HOOK3: variants seen among roughly 807,000 people sequenced by gnomAD.
HOOK3 encodes the protein protein Hook homolog 3.
Under a neutral mutation model 116.3 loss-of-function variants are expected in HOOK3, and 24 were observed. The observed-to-expected ratio is 0.21, with a 90% CI of 0.15 to 0.29. HOOK3 has a LOEUF of 0.29. Ranked by LOEUF, HOOK3 falls within the 10% of genes least tolerant of loss-of-function variation. The pLI, the probability that HOOK3 is intolerant of heterozygous loss-of-function variation, is 1.00. For synonymous variants in HOOK3, 275 were observed against 283.0 expected, an observed-to-expected ratio of 0.97 and a Z score of 0.28; for missense variants, 632 against 830.2, an observed-to-expected ratio of 0.76 and a Z score of 2.93.
intron 15 of HOOK3, among the ~76,000 whole-genome samples, chr8:42,989,171 A>G (rs1809108564): frequency 1.3e-5 from 2 of 152,252 alleles, no homozygotes. Context: ...AGGATTCCCC[A>G]GGAATTCTGT....
intron 18 of HOOK3, among the ~76,000 whole-genome samples, chr8:43,008,302 G>A (rs1226454804): frequency 2.6e-5 from 4 of 152,070 alleles, no homozygotes; most frequent in Admixed American, 2.0e-4. Context: ...ACAGACATGA[G>A]CCACTGTGCC....
intron 15 of HOOK3, among the ~76,000 whole-genome samples, chr8:42,992,993 T>C (rs1402966830): frequency 2.0e-5 from 3 of 152,134 alleles, no homozygotes; most frequent in Non-Finnish European, 2.9e-5. Context: ...CTTTTATACC[T>C]AGTTTTTTGA....
intron 1 of HOOK3, among the ~76,000 whole-genome samples, chr8:42,901,494 C>A (rs905938704): frequency 6.6e-6 from 1 of 152,134 alleles, no homozygotes; most frequent in Non-Finnish European, 1.5e-5. Flanking sequence ...TCATGACTAT[C>A]TAGTTCCAAG....
intron 4 of HOOK3, among the ~76,000 whole-genome samples, chr8:42,941,239 G>A (rs1002943346): frequency 6.7e-6 from 1 of 150,096 alleles, no homozygotes; most frequent in Non-Finnish European, 1.5e-5. Flanking sequence ...GAGCCGGCTG[G>A]GCGCAGTGGC....
At chr8:43,008,461 G>T (rs1809536517) in intron 18 of HOOK3, among the ~76,000 whole-genome samples, 1 of 151,762 alleles carries the variant, frequency 6.6e-6, no homozygotes, top group Non-Finnish European at 1.5e-5. Flanking sequence ...TGTGATACAG[G>T]CATGAGCCAC....
chr8:42,990,325 C>A (rs1464379265), intron 15 of HOOK3, among the ~76,000 whole-genome samples: 1 of 37,882 alleles, frequency 2.6e-5, no homozygotes, highest in Non-Finnish European at 5.3e-5. Context: ...CTGTTTAGAT[C>A]TTTTTTTTTT....
intron 16 of HOOK3, among the ~76,000 whole-genome samples, chr8:43,001,563 C>T (rs1299461523): frequency 2.0e-5 from 3 of 148,892 alleles, no homozygotes; most frequent in African/African-American, 7.4e-5. Context: ...TTTTTTTTTA[C>T]CCAGTGAAAG....
chr8:42,898,271 T>G (rs1228331358), intron 1 of HOOK3, among the ~76,000 whole-genome samples: 5 of 152,236 alleles, frequency 3.3e-5, no homozygotes, highest in Non-Finnish European at 7.3e-5. Context: ...CGAATCAATT[T>G]CTGTCCTCTG....
chr8:42,976,420 G>A (rs892316547), intron 13 of HOOK3, among the ~76,000 whole-genome samples: 1 of 152,152 alleles, frequency 6.6e-6, no homozygotes, highest in African/African-American at 2.4e-5. Context: ...TAAGGCAGAA[G>A]GATGACTTGA....
At chr8:42,917,852 G>A (rs1257014348) in intron 2 of HOOK3, among the ~76,000 whole-genome samples, 26 of 152,118 alleles carry the variant, frequency 1.7e-4, no homozygotes, top group Non-Finnish European at 3.4e-4. Flanking sequence ...TTTTGACTTA[G>A]GGGCTTAGTG....
intron 2 of HOOK3, among the ~76,000 whole-genome samples, chr8:42,907,534 G>A (rs946211957): frequency 6.6e-6 from 1 of 151,996 alleles, no homozygotes; most frequent in African/African-American, 2.4e-5. Flanking sequence ...CCCTCTGAGT[G>A]GTGCCCTAAT....
intron 14 of HOOK3, among the ~76,000 whole-genome samples, chr8:42,982,903 A>G (rs947791120): frequency 6.6e-6 from 1 of 152,218 alleles, no homozygotes; most frequent in African/African-American, 2.4e-5. Context: ...CAATAAGACA[A>G]TCTTTCACAC....
chr8:42,945,048 A>G (rs1003766967), intron 5 of HOOK3, among the ~76,000 whole-genome samples: 6 of 152,188 alleles, frequency 3.9e-5, no homozygotes, highest in African/African-American at 1.2e-4. Context: ...GCATCAACCC[A>G]TGAATTTCAA....
chr8:42,965,557 CAA>C (rs1446061452), intron 9 of HOOK3, among the ~76,000 whole-genome samples: 3 of 152,066 alleles, frequency 2.0e-5, no homozygotes, highest in African/African-American at 4.8e-5. Flanking sequence ...AATCGAAAGA[CAA>C]GAGTATGATG....
At chr8:42,974,811 CCAGA>C (rs958041088) in intron 13 of HOOK3, among the ~76,000 whole-genome samples, 3 of 152,154 alleles carry the variant, frequency 2.0e-5, no homozygotes, top group South Asian at 2.1e-4. Context: ...ATGGCCAAAC[CCAGA>C]CAGTCTCTGC....
At position 43,028,802 on chromosome 8, in the gene HOOK3, A is replaced by G. The variant is rs939152808; in HGVS notation, c.*10304A>G. ...GGACTAACCATAATCCTTTTGAGTC[A>G]GCTTGGTGCTTACAATTATTTTGTT... On this transcript the variant is annotated 3_prime_UTR_variant, in exon 22 of 22. Coordinates refer to ENST00000307602, the MANE Select transcript of HOOK3 (RefSeq NM_032410.4). 82 of 198,926 alleles carry G rather than the reference A, an allele frequency of 4.1e-4. No individual in the cohort carries two copies. Among genetic ancestry groups the G allele is most frequent in the African/African-American group, 1.8e-3 (78 of 43,552 alleles). The allele number at this position is 198,926 out of a possible 1,614,324, so 12.3% of individuals were successfully genotyped here.
intron 5 of HOOK3, among the ~76,000 whole-genome samples, chr8:42,946,767 T>C (rs1022898971): frequency 1.9e-4 from 28 of 144,122 alleles, no homozygotes; most frequent in African/African-American, 6.1e-4. Context: ...TTCTTTCTTT[T>C]TTTTTTTTTT....
rs1809873788 is a variant in HOOK3, at chr8:43,023,592, A to C, written c.*5094A>C. 5.8e-6 allele frequency: 1 copy of C among 172,404 alleles called. No individual in the cohort carries two copies. The highest frequency in any genetic ancestry group is 2.4e-5 in the African/African-American group (1 of 41,986). The allele number at this position is 172,404 out of a possible 1,614,324, so 10.7% of individuals were successfully genotyped here. A position where few individuals can be genotyped will look rare whatever the true frequency, so the allele number is the denominator to read the frequency against. ...CTCATCCTCCCTAGTAGCTAGGATTACAGGCATCTGCCACCACGCCCAGCT... is the reference window on the plus strand; with the variant it reads ...CTCATCCTCCCTAGTAGCTAGGATTCCAGGCATCTGCCACCACGCCCAGCT... On this transcript the variant is annotated 3_prime_UTR_variant, in exon 22 of 22. Coordinates refer to ENST00000307602, the MANE Select transcript of HOOK3 (RefSeq NM_032410.4).
chr8:42,967,964 A>G, intron 10 of HOOK3, 49 bp from the exon 11 acceptor site: 1 of 1,026,962 alleles, frequency 9.7e-7, no homozygotes, highest in Non-Finnish European at 1.5e-6. Context: ...AAACAACTTT[A>G]CAAGTGTGGA....
Sources: allele counts gnomAD v4.1 joint callset (sites outside exome capture counted in the v4.1 genomes callset), GRCh38; gene constraint gnomAD v4.1.1; transcripts MANE v1.5; gene names NCBI Gene and HGNC (gene_info 2026-07-23, HGNC 2026-07-21).